Variants in RPS6KA3 observed in about 807,000 individuals in gnomAD.
The protein encoded by RPS6KA3 is ribosomal protein S6 kinase alpha-3.
Under a neutral mutation model 67.2 loss-of-function variants are expected in RPS6KA3, and 4 were observed. The observed-to-expected ratio is 0.06, with a 90% CI of 0.03 to 0.14. The LOEUF (loss-of-function observed/expected upper bound fraction) is 0.14. RPS6KA3 is among the 10% of genes least tolerant of loss of function. RPS6KA3 has a pLI of 1.00. For missense variants in RPS6KA3, 204 were observed against 559.0 expected, an observed-to-expected ratio of 0.36 and a Z score of 6.40; for synonymous variants, 182 against 183.7, an observed-to-expected ratio of 0.99 and a Z score of 0.07.
At chrX:20,178,264 CT>C (rs2067748775) in intron 10 of RPS6KA3, among the ~76,000 whole-genome samples, 1 of 111,352 alleles carries the variant, frequency 9.0e-6, no homozygotes, top group Admixed American at 9.7e-5. Context: ...TATGAAAGGT[CT>C]TCAATGCAAT....
intron 2 of RPS6KA3, among the ~76,000 whole-genome samples, chrX:20,233,433 A>G (rs1157122419): frequency 9.0e-6 from 1 of 111,248 alleles, no homozygotes; most frequent in Non-Finnish European, 1.9e-5. Context: ...TAACTGTGTA[A>G]CCACTTAAAA....
In RPS6KA3 at chrX:20,199,837, G is replaced by A. The variant is rs968383979; in HGVS notation, c.325+4185C>T. On this transcript the variant is annotated intron_variant, in intron 4 of 21. Transcript: ENST00000379565. ...CAATTAACTTCATCACTGTAACACA[G>A]GAAACTAGAAGACAATGGAAGCAAT... Among the ~76,000 whole-genome samples, 17 of 112,144 alleles carry A rather than the reference G, an allele frequency of 1.5e-4. No individual in the cohort carries two copies. In the Middle Eastern group the frequency reaches 0.019, roughly 123 times the overall value.
At chrX:20,214,862 A>T in intron 2 of RPS6KA3, among the ~76,000 whole-genome samples, 1 of 91,242 alleles carries the variant, frequency 1.1e-5, no homozygotes, top group African/African-American at 4.3e-5. Context: ...TTTTTGAGAC[A>T]GGGTCTCACT....
chrX:20,246,334 G>A (rs1157749819), intron 1 of RPS6KA3, among the ~76,000 whole-genome samples: 1 of 110,152 alleles, frequency 9.1e-6, no homozygotes, highest in Non-Finnish European at 1.9e-5. Flanking sequence ...CAGCCACACT[G>A]GGTGTTTAGG....
chrX:20,180,488 T>A (rs2067816799), intron 10 of RPS6KA3, among the ~76,000 whole-genome samples: 1 of 112,258 alleles, frequency 8.9e-6, no homozygotes, highest in Non-Finnish European at 1.9e-5. Context: ...ATCCTTTCAG[T>A]TGGTTTAAAA....
At chrX:20,195,007 C>T (rs1483566696) in intron 5 of RPS6KA3, 58 bp downstream of exon 5, 6 of 678,471 alleles carry the variant, frequency 8.8e-6, no homozygotes, top group Non-Finnish European at 1.5e-5. Context: ...ATCTGAATGT[C>T]CTCAGGGATT....
At chrX:20,183,978 G>A (rs2067908908) in intron 10 of RPS6KA3, among the ~76,000 whole-genome samples, 1 of 112,348 alleles carries the variant, frequency 8.9e-6, no homozygotes, top group African/African-American at 3.2e-5. Flanking sequence ...TTTAACATTG[G>A]TTACATGCTG....
At chrX:20,199,983 T>G (rs1332784001) in intron 4 of RPS6KA3, among the ~76,000 whole-genome samples, 1 of 112,176 alleles carries the variant, frequency 8.9e-6, no homozygotes, top group Non-Finnish European at 1.9e-5. Flanking sequence ...CACAAAAAAT[T>G]TAGTATCCAT....
At chrX:20,259,605 C>T (rs1168788806) in intron 1 of RPS6KA3, among the ~76,000 whole-genome samples, 3 of 111,128 alleles carry the variant, frequency 2.7e-5, no homozygotes, top group South Asian at 3.7e-4. Flanking sequence ...TACTGGATCG[C>T]GTTACTGTAG....
intron 4 of RPS6KA3, 115 bp from the exon 5 acceptor site, chrX:20,195,260 A>G: frequency 2.1e-6 from 1 of 470,013 alleles, no homozygotes; most frequent in African/African-American, 2.4e-5. Context: ...TTAAAATGTG[A>G]ATGTTTTATC....
intron 11 of RPS6KA3, among the ~76,000 whole-genome samples, chrX:20,176,711 C>A (rs1348468094): frequency 1.8e-5 from 2 of 110,878 alleles, no homozygotes; most frequent in Non-Finnish European, 3.8e-5. Flanking sequence ...CCTACCTCAA[C>A]TTCCTGAGTA....
intron 13 of RPS6KA3, 29 bp downstream of exon 13, chrX:20,176,221 A>G (rs781595562): frequency 8.9e-6 from 8 of 896,564 alleles, no homozygotes; most frequent in Non-Finnish European, 9.8e-6. Context: ...TTGTTGTCTT[A>G]TATTTGGATT....
intron 1 of RPS6KA3, among the ~76,000 whole-genome samples, chrX:20,243,428 C>T (rs932552674): frequency 7.1e-5 from 8 of 112,077 alleles, no homozygotes; most frequent in Non-Finnish European, 1.5e-4. Flanking sequence ...TAATATACTG[C>T]CTAAGGCTAA....
intron 7 of RPS6KA3, among the ~76,000 whole-genome samples, chrX:20,189,455 G>A (rs2068069801): frequency 8.9e-6 from 1 of 112,071 alleles, no homozygotes; most frequent in Non-Finnish European, 1.9e-5. Flanking sequence ...AGAAAATAAA[G>A]GGCATTTAGT....
rs755566588 is a variant in RPS6KA3 at position 20,188,537 on chromosome X, GA to G, written c.594-4del. ...GACCTTCTTCATCAAGAAGTATACT[GA>G]AAAAAACAAAGAAAATCTTTTAAGA... is the stretch of plus-strand genomic sequence containing the variant. On this transcript the variant is annotated splice_region_variant and splice_polypyrimidine_tract_variant and intron_variant, in intron 7 of 21. Transcript: ENST00000379565. 4.1e-6 allele frequency: 4 copies of G among 977,244 alleles called. No individual in the cohort carries two copies. Among genetic ancestry groups the G allele is most frequent in the Non-Finnish European group, 4.3e-6 (3 of 691,158 alleles). The allele number at this position is 977,244 out of a possible 1,213,427, so 80.5% of individuals were successfully genotyped here. A position where few individuals can be genotyped will look rare whatever the true frequency, so the allele number is the denominator to read the frequency against.
chrX:20,244,011 A>G (rs1186598826), intron 1 of RPS6KA3, among the ~76,000 whole-genome samples: 1 of 112,019 alleles, frequency 8.9e-6, no homozygotes, highest in Non-Finnish European at 1.9e-5. Context: ...AGAATATAAC[A>G]TAAACTAAAT....
At chrX:20,190,305 G>A (rs1410072556) in intron 7 of RPS6KA3, among the ~76,000 whole-genome samples, 1 of 111,664 alleles carries the variant, frequency 9.0e-6, no homozygotes, top group Non-Finnish European at 1.9e-5. Context: ...ACCCTTAACA[G>A]TTCATAAAAT....
At chrX:20,246,492 A>G (rs1359411800) in intron 1 of RPS6KA3, among the ~76,000 whole-genome samples, 1 of 111,420 alleles carries the variant, frequency 9.0e-6, no homozygotes, top group Non-Finnish European at 1.9e-5. Flanking sequence ...ACCCTTTAAT[A>G]TATTACTTGG....
intron 1 of RPS6KA3, among the ~76,000 whole-genome samples, chrX:20,262,697 C>T (rs776279892): frequency 1.5e-4 from 17 of 111,123 alleles, no homozygotes; most frequent in Non-Finnish European, 3.2e-4. Flanking sequence ...AATACCTGTC[C>T]TCTCCTCAGA....
Sources: allele counts gnomAD v4.1 joint callset (sites outside exome capture counted in the v4.1 genomes callset), GRCh38; gene constraint gnomAD v4.1.1; transcripts MANE v1.5; gene names NCBI Gene and HGNC (gene_info 2026-07-23, HGNC 2026-07-21).